The following CUEDC1 variants were observed in gnomAD, a reference collection of about 807,000 sequenced individuals.
CUEDC1 encodes the protein CUE domain-containing protein 1.
A neutral mutation model predicts 43.7 loss-of-function variants in CUEDC1; 30 were observed. The ratio of observed to expected loss-of-function variants is 0.69; its 90% confidence interval spans 0.51 to 0.93. The LOEUF (loss-of-function observed/expected upper bound fraction) is 0.93, where lower values mean the gene tolerates loss of function less well. Ranked by LOEUF, CUEDC1 falls within the 40% of genes least tolerant of loss-of-function variation. CUEDC1 has a pLI of 0.00. For missense variants in CUEDC1, 486 were observed against 549.0 expected, an observed-to-expected ratio of 0.89 and a Z score of 1.15; for synonymous variants, 223 against 223.6, an observed-to-expected ratio of 1.00 and a Z score of 0.02.
intron 6 of CUEDC1, among the ~76,000 whole-genome samples, chr17:57,869,437 G>A (rs902688365): frequency 2.6e-5 from 4 of 152,132 alleles, no homozygotes; most frequent in African/African-American, 9.7e-5. Context: ...CAGCCAGCTC[G>A]TGTGTGCTCC....
Position 57,873,612 on chromosome 17 carries a change from G to A in CUEDC1, c.570C>T (p.Pro190=). Residue 190 remains proline (P), a synonymous_variant, in exon 4 of 11, where the codon CCC becomes CCT. Transcript: ENST00000577830. ...TTACCTGTATGCTGTCCAGCTGCTG[G>A]GGCAGGATGCGGAGAAAGTCATCCG... ...NLPDDFLRIL[P]QQLDSIQGNA... The A allele has an allele frequency of 1.3e-6, 2 of 1,597,640 alleles. No individual in the cohort carries two copies.
At chr17:57,900,016 T>A (rs1177756032) in intron 1 of CUEDC1, among the ~76,000 whole-genome samples, 1 of 152,166 alleles carries the variant, frequency 6.6e-6, no homozygotes. Context: ...GCAGCAAAAC[T>A]GGCCAGAACC....
At chr17:57,883,685 T>C (rs2074246624) in intron 2 of CUEDC1, among the ~76,000 whole-genome samples, 1 of 151,858 alleles carries the variant, frequency 6.6e-6, no homozygotes, top group South Asian at 2.1e-4. Context: ...ATCGCGCCAT[T>C]GCACTCCAGC....
At chr17:57,866,763 C>T (rs1468893133) in intron 9 of CUEDC1, 2 of 554,696 alleles carry the variant, frequency 3.6e-6, no homozygotes, top group African/African-American at 3.8e-5. Flanking sequence ...AGACCTTGGA[C>T]AAGTTCTCCC....
chr17:57,883,432 T>A (rs1196006625), intron 2 of CUEDC1, among the ~76,000 whole-genome samples: 3 of 152,178 alleles, frequency 2.0e-5, no homozygotes, highest in African/African-American at 7.2e-5. Context: ...TTAGAAGAGA[T>A]GACACATCGG....
chr17:57,948,469 C>A (rs2585832), intron 1 of CUEDC1, among the ~76,000 whole-genome samples: 148,718 of 152,254 alleles, frequency 0.98, 72,717 homozygotes, highest in East Asian at 1. Flanking sequence ...CTCACTCATT[C>A]ATGGATGAGC....
intron 1 of CUEDC1, among the ~76,000 whole-genome samples, chr17:57,895,285 A>C (rs2074397195): frequency 1.3e-5 from 2 of 152,238 alleles, no homozygotes; most frequent in African/African-American, 4.8e-5. Context: ...AACACTCTGT[A>C]TCCATTGGGC....
chr17:57,941,351 T>C (rs750707621), intron 1 of CUEDC1, among the ~76,000 whole-genome samples: 3 of 152,204 alleles, frequency 2.0e-5, no homozygotes, highest in Non-Finnish European at 2.9e-5. Flanking sequence ...CTCCTTTCTT[T>C]ATGCCAAAAG....
intron 1 of CUEDC1, among the ~76,000 whole-genome samples, chr17:57,937,650 G>T (rs1285957273): frequency 6.6e-6 from 1 of 151,540 alleles, no homozygotes. Context: ...CTGCCTAGAG[G>T]CTGGGCACAG....
intron 1 of CUEDC1, among the ~76,000 whole-genome samples, chr17:57,944,210 ATT>A (rs60055226): frequency 5.9e-4 from 82 of 139,814 alleles, no homozygotes; most frequent in Admixed American, 1.1e-3. Flanking sequence ...ATATATATAT[ATT>A]TTTTTTTTTT....
intron 1 of CUEDC1, among the ~76,000 whole-genome samples, chr17:57,937,335 G>A: frequency 6.6e-6 from 1 of 152,128 alleles, no homozygotes; most frequent in East Asian, 1.9e-4. Flanking sequence ...CAGAGGCCTG[G>A]CGTGGTGGCT....
chr17:57,866,620 G>A, intron 9 of CUEDC1, 76 bp from the exon 10 acceptor site: 1 of 1,464,212 alleles, frequency 6.8e-7, no homozygotes, highest in South Asian at 1.1e-5. Context: ...GACTGGGCAA[G>A]AGAGCTGACC....
At chr17:57,938,765 C>T (rs1315029070) in intron 1 of CUEDC1, among the ~76,000 whole-genome samples, 3 of 151,908 alleles carry the variant, frequency 2.0e-5, no homozygotes, top group Non-Finnish European at 4.4e-5. Context: ...CGGGTTCGAG[C>T]GATTCTCCTG....
At chr17:57,947,008 G>A (rs1334862360) in intron 1 of CUEDC1, among the ~76,000 whole-genome samples, 3 of 152,014 alleles carry the variant, frequency 2.0e-5, no homozygotes, top group Admixed American at 2.0e-4. Flanking sequence ...CTCTCTCCCA[G>A]CTGTGGGTAC....
At chr17:57,929,733 C>T (rs1454382715) in intron 1 of CUEDC1, among the ~76,000 whole-genome samples, 1 of 152,174 alleles carries the variant, frequency 6.6e-6, no homozygotes, top group Non-Finnish European at 1.5e-5. Context: ...AAACAAGGTT[C>T]AGCACGTCCC....
At chr17:57,880,858 G>A (rs2074195243) in intron 2 of CUEDC1, among the ~76,000 whole-genome samples, 1 of 144,400 alleles carries the variant, frequency 6.9e-6, no homozygotes, top group South Asian at 2.1e-4. Flanking sequence ...GGCGGCCCCT[G>A]ACTGGGAGAT....
intron 1 of CUEDC1, among the ~76,000 whole-genome samples, chr17:57,951,706 G>A (rs914894989): frequency 5.3e-5 from 8 of 152,094 alleles, no homozygotes; most frequent in South Asian, 2.1e-4. Flanking sequence ...TGATCCACCC[G>A]CCTCAGCCTC....
At chr17:57,915,912 C>A (rs2074634959) in intron 1 of CUEDC1, among the ~76,000 whole-genome samples, 1 of 152,210 alleles carries the variant, frequency 6.6e-6, no homozygotes, top group Admixed American at 6.5e-5. Flanking sequence ...TCCTGCCAGG[C>A]AACTCACCCG....
At chr17:57,932,051 C>T (rs2074809044) in intron 1 of CUEDC1, among the ~76,000 whole-genome samples, 1 of 151,832 alleles carries the variant, frequency 6.6e-6, no homozygotes, top group African/African-American at 2.4e-5. Flanking sequence ...GCAGGCACAT[C>T]GCCTGAGGTT....
Sources: gnomAD v4.1 joint callset for allele counts (sites outside exome capture counted in the v4.1 genomes callset) on GRCh38, gnomAD v4.1.1 for gene constraint, MANE v1.5 for transcripts, NCBI Gene and HGNC (gene_info 2026-07-23, HGNC 2026-07-21) for gene names.